Variants in DNM3 observed in about 807,000 individuals in gnomAD.
The protein encoded by DNM3 is dynamin-3.
In DNM3, 47 loss-of-function variants were observed where a neutral mutation model predicts 101.6. That is an observed-to-expected ratio of 0.46 (90% confidence interval 0.37 to 0.59). The LOEUF is 0.59. DNM3 is among the 20% of genes least tolerant of loss of function. The pLI, the probability that DNM3 is intolerant of heterozygous loss-of-function variation, is 0.00. For synonymous variants in DNM3, 385 were observed against 387.9 expected (o/e 0.99, Z 0.09); for missense variants, 849 against 1,085.7 (o/e 0.78, Z 3.06).
intron 17 of DNM3, among the ~76,000 whole-genome samples, chr1:172,324,335 C>T (rs2065855335): frequency 6.6e-6 from 1 of 152,136 alleles, no homozygotes. Context: ...GTTCATAAGC[C>T]ATACATATAG....
chr1:172,155,874 G>T (rs1019701629), intron 14 of DNM3, among the ~76,000 whole-genome samples: 1 of 152,012 alleles, frequency 6.6e-6, no homozygotes, highest in African/African-American at 2.4e-5. Context: ...ATATTATATG[G>T]TCTGTTTAGC....
At chr1:172,232,840 C>G (rs765930874) in intron 14 of DNM3, among the ~76,000 whole-genome samples, 1 of 152,104 alleles carries the variant, frequency 6.6e-6, no homozygotes, top group African/African-American at 2.4e-5. Context: ...TTGAAACCAA[C>G]GAGGACAAAG....
intron 1 of DNM3, among the ~76,000 whole-genome samples, chr1:171,880,032 CAAGGGAGTCTGGGA>C (rs1183881952): frequency 6.6e-6 from 1 of 152,170 alleles, no homozygotes; most frequent in Non-Finnish European, 1.5e-5. Context: ...ATGCTAGTTA[CAAGGGAGTCTGGGA>C]AATGAGGTTT....
intron 14 of DNM3, among the ~76,000 whole-genome samples, chr1:172,154,517 A>G (rs543864545): frequency 1.3e-5 from 2 of 152,246 alleles, no homozygotes; most frequent in African/African-American, 4.8e-5. Context: ...GAAATTCACT[A>G]CATAAAGAAA....
In DNM3 at chr1:172,409,415, T is replaced by C. The variant is rs1264252081; in HGVS notation, c.*1574T>C. On this transcript the variant is annotated 3_prime_UTR_variant, in exon 21 of 21. Coordinates refer to ENST00000627582, the MANE Select transcript of DNM3 (RefSeq NM_015569.5). ...ATTATTAAACAGAGAACTTGCCATGTTGAGTGCCATTGTATTGAACTTATT... is the reference window on the plus strand; with the variant it reads ...ATTATTAAACAGAGAACTTGCCATGCTGAGTGCCATTGTATTGAACTTATT... The C allele has an allele frequency of 2.0e-6, 2 of 984,518 alleles. No individual in the cohort carries two copies. The highest frequency in any genetic ancestry group is 3.5e-5 in the African/African-American group (2 of 57,210). The allele number at this position is 984,518 out of a possible 1,614,324, so 61.0% of individuals were successfully genotyped here.
intron 2 of DNM3, among the ~76,000 whole-genome samples, chr1:171,946,787 T>C (rs546112929): frequency 1.3e-5 from 2 of 152,118 alleles, no homozygotes; most frequent in South Asian, 2.1e-4. Flanking sequence ...GGAGCCAGCA[T>C]GTGCAGAACA....
intron 4 of DNM3, among the ~76,000 whole-genome samples, chr1:172,008,999 TA>T (rs2125700223): frequency 9.1e-6 from 1 of 109,326 alleles, no homozygotes. Context: ...TATACTTATT[TA>T]TATATAACAT....
intron 18 of DNM3, among the ~76,000 whole-genome samples, chr1:172,383,291 A>G (rs2069015418): frequency 6.6e-6 from 1 of 152,144 alleles, no homozygotes; most frequent in Admixed American, 6.5e-5. Context: ...TTTGTGTCTA[A>G]CTTCTTTTCC....
At chr1:172,237,983 T>C (rs1004402825) in intron 14 of DNM3, among the ~76,000 whole-genome samples, 5 of 152,114 alleles carry the variant, frequency 3.3e-5, no homozygotes, top group African/African-American at 1.2e-4. Flanking sequence ...TTCCATCCAC[T>C]CAAGGCATTG....
intron 2 of DNM3, among the ~76,000 whole-genome samples, chr1:171,938,045 C>A (rs200635087): frequency 7.8e-6 from 1 of 128,226 alleles, no homozygotes; most frequent in Non-Finnish European, 1.7e-5. Context: ...TTTTTTTTTT[C>A]TTGAAATGAG....
intron 14 of DNM3, among the ~76,000 whole-genome samples, chr1:172,248,712 TA>T (rs1223634751): frequency 1.3e-5 from 2 of 152,130 alleles, no homozygotes; most frequent in Admixed American, 1.3e-4. Context: ...AAAGATTTAG[TA>T]GTCAAAAGCA....
At chr1:172,121,898 C>G (rs1051583845) in intron 13 of DNM3, among the ~76,000 whole-genome samples, 2 of 152,114 alleles carry the variant, frequency 1.3e-5, no homozygotes, top group Non-Finnish European at 2.9e-5. Flanking sequence ...TTCAGTCAAT[C>G]CAGTCAGTTC....
chr1:172,008,850 A>G (rs1037455136), intron 4 of DNM3, among the ~76,000 whole-genome samples: 25 of 138,980 alleles, frequency 1.8e-4, no homozygotes, highest in African/African-American at 6.3e-4. Context: ...TTAATATATT[A>G]TATTATATTA....
intron 18 of DNM3, among the ~76,000 whole-genome samples, chr1:172,381,329 C>T (rs546817084): frequency 2.6e-5 from 4 of 151,896 alleles, no homozygotes; most frequent in South Asian, 2.1e-4. Context: ...GTGGAGAAGG[C>T]GAAAGTATCA....
intron 2 of DNM3, among the ~76,000 whole-genome samples, chr1:171,963,101 T>G (rs1269604465): frequency 6.6e-6 from 1 of 152,190 alleles, no homozygotes; most frequent in Non-Finnish European, 1.5e-5. Flanking sequence ...TTATCACAGC[T>G]GTATTCATAA....
At chr1:172,153,893 G>A (rs765827279) in intron 14 of DNM3, among the ~76,000 whole-genome samples, 4 of 152,074 alleles carry the variant, frequency 2.6e-5, no homozygotes, top group Non-Finnish European at 4.4e-5. Context: ...GAGAAAGAAG[G>A]ATGGAGTTAC....
At chr1:172,231,237 C>T (rs901439786) in intron 14 of DNM3, among the ~76,000 whole-genome samples, 13 of 151,090 alleles carry the variant, frequency 8.6e-5, no homozygotes, top group African/African-American at 2.9e-4. Context: ...ACACCTCACA[C>T]GGCCTGGTAC....
intron 6 of DNM3, among the ~76,000 whole-genome samples, chr1:172,037,698 A>G (rs1340512300): frequency 2.0e-5 from 3 of 152,170 alleles, no homozygotes; most frequent in Non-Finnish European, 4.4e-5. Context: ...CTCAGTGGAA[A>G]TGCCAAGTAG....
chr1:172,227,874 C>T (rs773451099), intron 14 of DNM3, among the ~76,000 whole-genome samples: 3 of 152,062 alleles, frequency 2.0e-5, no homozygotes, highest in Non-Finnish European at 4.4e-5. Flanking sequence ...TATTATTAGT[C>T]TAATATACAA....
Sources: allele counts gnomAD v4.1 joint callset (sites outside exome capture counted in the v4.1 genomes callset), GRCh38; gene constraint gnomAD v4.1.1; transcripts MANE v1.5; gene names NCBI Gene and HGNC (gene_info 2026-07-23, HGNC 2026-07-21).